Variants in REPS1 observed in about 807,000 individuals in gnomAD.
REPS1 encodes ralBP1-associated Eps domain-containing protein 1.
REPS1 carries 39 observed loss-of-function variants against 100.9 expected under a neutral mutation model. The observed-to-expected ratio is 0.39, with a 90% CI of 0.30 to 0.50. REPS1 has a LOEUF of 0.50. Among genes scored for constraint, REPS1 ranks in the 20% least tolerant of loss-of-function variants. The probability of loss-of-function intolerance (pLI) is 0.86; values close to 1 mark genes in which losing one functional copy is unlikely to be tolerated. For synonymous variants in REPS1, 324 were observed against 340.3 expected, an observed-to-expected ratio of 0.95 and a Z score of 0.53; for missense variants, 821 against 968.5, an observed-to-expected ratio of 0.85 and a Z score of 2.02.
At chr6:138,916,079 TGAC>T in intron 13 of REPS1, 103 bp from the exon 14 acceptor site, 2 of 844,920 alleles carry the variant, frequency 2.4e-6, no homozygotes, top group Non-Finnish European at 4.1e-6. Flanking sequence ...CTTATTAGCA[TGAC>T]ATTTTCTCAA....
chr6:138,939,699 A>G (rs1259987787), intron 8 of REPS1, among the ~76,000 whole-genome samples: 2 of 152,224 alleles, frequency 1.3e-5, no homozygotes, highest in African/African-American at 4.8e-5. Context: ...TGACACTGAA[A>G]GTGTGAAGTT....
chr6:138,950,107 T>C (rs2128481824), intron 1 of REPS1, among the ~76,000 whole-genome samples: 1 of 152,308 alleles, frequency 6.6e-6, no homozygotes, highest in Non-Finnish European at 1.5e-5. Context: ...ATTGAAAATA[T>C]ACAAGTCTGA....
intron 7 of REPS1, 117 bp downstream of exon 7, chr6:138,943,396 T>C: frequency 1.7e-6 from 1 of 587,200 alleles, no homozygotes; most frequent in Non-Finnish European, 3.0e-6. Flanking sequence ...CAATACTGAG[T>C]TCTTTGACAG....
At chr6:138,922,829 C>A (rs945318268) in intron 10 of REPS1, among the ~76,000 whole-genome samples, 3 of 152,150 alleles carry the variant, frequency 2.0e-5, no homozygotes, top group Admixed American at 6.5e-5. Flanking sequence ...AAGTTGGAAA[C>A]TGTTTTGGTG....
At chr6:138,987,330 C>T (rs1785325246) in intron 1 of REPS1, among the ~76,000 whole-genome samples, 200 bp downstream of exon 1, 1 of 152,186 alleles carries the variant, frequency 6.6e-6, no homozygotes, top group African/African-American at 2.4e-5. Flanking sequence ...ACAGGAGTTC[C>T]GTCCTCTAAG....
chr6:138,917,577 C>A lies in REPS1; in HGVS notation c.1579G>T (p.Gly527Trp). ...DSFTSDPEQI[G>W]SNVTRQRSHS... ...GACCTTTGACGAGTTACATTGCTCC[C>A]GATCTGTTCTGGGTCAGAAGTAAAA... is the stretch of plus-strand genomic sequence containing the variant. The change falls in exon 13 of 20, where the codon GGG becomes TGG. Residue 527 changes from glycine to tryptophan, a missense_variant. Around this residue, in one of 3 missense-constraint regions of REPS1, gnomAD observed 757 missense variants for 866.4 expected, o/e 0.87. Coordinates refer to ENST00000450536, the MANE Select transcript of REPS1 (RefSeq NM_001286611.2). The A allele has an allele frequency of 6.2e-7, 1 of 1,613,482 alleles. No homozygotes were observed. The highest frequency in any genetic ancestry group is 8.5e-7 in the Non-Finnish European group (1 of 1,179,614).
intron 8 of REPS1, among the ~76,000 whole-genome samples, chr6:138,936,344 T>C (rs561787893): frequency 6.6e-6 from 1 of 152,214 alleles, no homozygotes; most frequent in South Asian, 2.1e-4. Flanking sequence ...CCACTGTGCC[T>C]GACCAAAACC....
chr6:138,983,280 C>T (rs554351362), intron 1 of REPS1, among the ~76,000 whole-genome samples: 2 of 152,084 alleles, frequency 1.3e-5, no homozygotes, highest in South Asian at 2.1e-4. Flanking sequence ...GGTGAAACCC[C>T]GACTCTACTA....
intron 1 of REPS1, among the ~76,000 whole-genome samples, chr6:138,956,050 G>A (rs558095956): frequency 5.3e-4 from 80 of 152,148 alleles, no homozygotes; most frequent in African/African-American, 1.9e-3. Context: ...AAGAGTTAAC[G>A]CCTTTATGCA....
At chr6:138,969,269 A>ATTTTGTTTTTTTTTT (rs1784186346) in intron 1 of REPS1, among the ~76,000 whole-genome samples, 1 of 74,258 alleles carries the variant, frequency 1.3e-5, no homozygotes, top group East Asian at 5.1e-4. Flanking sequence ...CAAAGCTGTA[A>ATTTTGTTTTTTTTTT]TTTTTTTTTT....
chr6:138,973,121 G>A (rs1784424275), intron 1 of REPS1, among the ~76,000 whole-genome samples: 1 of 152,140 alleles, frequency 6.6e-6, no homozygotes, highest in African/African-American at 2.4e-5. Flanking sequence ...AGTACAAATT[G>A]TATACAAGTG....
chr6:138,923,561 C>T (rs1235442427), intron 10 of REPS1, among the ~76,000 whole-genome samples: 1 of 152,224 alleles, frequency 6.6e-6, no homozygotes, highest in Non-Finnish European at 1.5e-5. Flanking sequence ...CATTACACTT[C>T]TCATCCACCT....
At chr6:138,941,718 GT>G (rs1468875621) in intron 7 of REPS1, among the ~76,000 whole-genome samples, 1 of 152,062 alleles carries the variant, frequency 6.6e-6, no homozygotes, top group Non-Finnish European at 1.5e-5. Context: ...GCTTTCCTGT[GT>G]GTTTGAAATT....
chr6:138,915,025 CA>C (rs1014178338), intron 14 of REPS1: 9 of 410,740 alleles, frequency 2.2e-5, no homozygotes, highest in African/African-American at 1.7e-4. Context: ...TAATAGCAAA[CA>C]ATCTTGATTT....
intron 10 of REPS1, among the ~76,000 whole-genome samples, chr6:138,922,359 C>A (rs949533582): frequency 6.6e-6 from 1 of 152,058 alleles, no homozygotes; most frequent in Non-Finnish European, 1.5e-5. Flanking sequence ...GAACAAGACT[C>A]CCATTCTAAG....
intron 8 of REPS1, chr6:138,934,267 T>C (rs1420668743): frequency 4.3e-6 from 2 of 467,564 alleles, no homozygotes; most frequent in Non-Finnish European, 4.5e-6. Context: ...GAACACTGTG[T>C]CAACCCTGCC....
intron 2 of REPS1, 47 bp downstream of exon 2, chr6:138,947,743 T>C: frequency 1.4e-6 from 2 of 1,418,040 alleles, no homozygotes; most frequent in South Asian, 3.2e-5. Context: ...ACTTCATTTG[T>C]AATAGAAGCC....
chr6:138,938,903 A>AGT (rs1447258149), intron 8 of REPS1, among the ~76,000 whole-genome samples: 1 of 151,368 alleles, frequency 6.6e-6, no homozygotes, highest in Admixed American at 6.6e-5. Context: ...GCTGGAATGC[A>AGT]GTGGCGTGAT....
At chr6:138,946,189 T>C (rs1270288771) in intron 2 of REPS1, among the ~76,000 whole-genome samples, 3 of 152,188 alleles carry the variant, frequency 2.0e-5, no homozygotes, top group Admixed American at 6.5e-5. Context: ...ACACAGAATA[T>C]GTCACTAAGT....
Sources: allele counts gnomAD v4.1 joint callset (sites outside exome capture counted in the v4.1 genomes callset), GRCh38; gene constraint gnomAD v4.1.1; regional missense constraint gnomAD v4.1.1; transcripts MANE v1.5; gene names NCBI Gene and HGNC (gene_info 2026-07-23, HGNC 2026-07-21).